The following THADA variants were observed in gnomAD, a reference collection of about 807,000 sequenced individuals.
The protein encoded by THADA is THADA armadillo repeat containing, also known as tRNA (32-2'-O)-methyltransferase regulator THADA.
In THADA, 213 loss-of-function variants were observed where a neutral mutation model predicts 219.8. The observed-to-expected ratio is 0.97, with a 90% CI of 0.87 to 1.09. The LOEUF is 1.09. Ranked by LOEUF, THADA falls within the 50% of genes least tolerant of loss-of-function variation. The probability of loss-of-function intolerance (pLI) is 0.00; values close to 1 mark genes in which losing one functional copy is unlikely to be tolerated. For missense variants in THADA, 2,956 were observed against 2,311.3 expected, an observed-to-expected ratio of 1.28 and a Z score of -5.72; for synonymous variants, 1,018 against 828.9, an observed-to-expected ratio of 1.23 and a Z score of -3.92.
chr2:43,473,475 G>C (rs1685155724), intron 26 of THADA, among the ~76,000 whole-genome samples: 1 of 152,022 alleles, frequency 6.6e-6, no homozygotes, highest in African/African-American at 2.4e-5. Context: ...GCCCGAGCCA[G>C]TTTTACAGTT....
intron 22 of THADA, among the ~76,000 whole-genome samples, chr2:43,510,638 T>C (rs1364592408): frequency 4.7e-5 from 7 of 150,480 alleles, no homozygotes; most frequent in Non-Finnish European, 1.0e-4. Flanking sequence ...GATTACTGCC[T>C]TCTTTTGTTC....
At chr2:43,541,659 C>T (rs1274130557) in intron 20 of THADA, among the ~76,000 whole-genome samples, 1 of 152,066 alleles carries the variant, frequency 6.6e-6, no homozygotes, top group Non-Finnish European at 1.5e-5. Flanking sequence ...CAGGTATGCG[C>T]CACCACACCC....
rs1407491611 is a variant in THADA at position 43,231,225 on chromosome 2, G to C, written c.5585C>G (p.Pro1862Arg). 6.2e-7 allele frequency: 1 copy of C among 1,613,782 alleles called. No homozygotes were observed. Among genetic ancestry groups the C allele is most frequent in the South Asian group, 1.1e-5 (1 of 91,036 alleles). Residue 1862 changes from proline (P) to arginine (R), a missense_variant, in exon 38 of 38, where the codon CCC (proline) becomes CGC (arginine). Coordinates refer to ENST00000405975, the MANE Select transcript of THADA (RefSeq NM_022065.5). ...FCLLSKSGWR[P>R]PSPEMLCHLQ... ...GTGACAGAGCATCTCAGGGCTTGGG[G>C]GACGCCAGCCGGACTTTGAGAGGAG... is the stretch of plus-strand genomic sequence containing the variant.
At chr2:43,299,082 C>T (rs549043051) in intron 31 of THADA, among the ~76,000 whole-genome samples, 3 of 152,152 alleles carry the variant, frequency 2.0e-5, no homozygotes, top group African/African-American at 7.2e-5. Context: ...AATAAGATCA[C>T]CTTCCGGTTA....
At chr2:43,234,504 TG>T (rs1181392516) in intron 36 of THADA, among the ~76,000 whole-genome samples, 1 of 152,204 alleles carries the variant, frequency 6.6e-6, no homozygotes, top group African/African-American at 2.4e-5. Flanking sequence ...AGGTGCATTT[TG>T]GCTGTGGGTC....
intron 20 of THADA, among the ~76,000 whole-genome samples, chr2:43,545,184 T>A (rs1299246995): frequency 6.6e-6 from 1 of 151,888 alleles, no homozygotes; most frequent in Admixed American, 6.6e-5. Context: ...ATTTATTGAT[T>A]TGCATATATT....
chr2:43,505,623 TGGG>T lies in THADA; in HGVS notation c.3617_3619del (p.Pro1206del). The T allele has an allele frequency of 6.3e-7, 1 of 1,579,142 alleles. No individual in the cohort carries two copies. The highest frequency in any genetic ancestry group is 8.6e-7 in the Non-Finnish European group (1 of 1,157,514). On this transcript the variant is annotated inframe_deletion and splice_region_variant, in exon 24 of 38. Coordinates refer to ENST00000405975, the MANE Select transcript of THADA (RefSeq NM_022065.5). ...GGGTTTGTGTATTTCCATGATTACC[TGGG>T]GGACTGTACTCTGTATGTCATCTGT...
intron 36 of THADA, among the ~76,000 whole-genome samples, chr2:43,261,216 CTTT>C (rs1181680289): frequency 1.3e-5 from 1 of 77,166 alleles, no homozygotes; most frequent in Non-Finnish European, 2.4e-5. Context: ...TTGTGCATTT[CTTT>C]TTTTTTTTTT....
intron 36 of THADA, among the ~76,000 whole-genome samples, chr2:43,253,211 G>A (rs1669978920): frequency 6.6e-6 from 1 of 152,214 alleles, no homozygotes; most frequent in South Asian, 2.1e-4. Flanking sequence ...TAGAGAAGGA[G>A]AACCTGAAGA....
At chr2:43,304,180 A>G (rs1676580327) in intron 31 of THADA, among the ~76,000 whole-genome samples, 1 of 152,156 alleles carries the variant, frequency 6.6e-6, no homozygotes, top group Non-Finnish European at 1.5e-5. Context: ...TCATCAAGAC[A>G]GCCTGATTGT....
chr2:43,516,305 G>C (rs191104918), intron 22 of THADA, among the ~76,000 whole-genome samples: 125 of 152,232 alleles, frequency 8.2e-4, no homozygotes, highest in African/African-American at 3.0e-3. Flanking sequence ...TTTACTCAGA[G>C]TAAAAGCCAA....
Position 43,257,248 on chromosome 2 carries a change from G to A in THADA, c.5296+22517C>T, listed in dbSNP as rs565119448. ...TTGTCCAGACTACCTGTTTTGGGAG[G>A]GGACAGAGTGGAGTTTCCTTCAAGT... On this transcript the variant is annotated intron_variant, in intron 36 of 37. Transcript: ENST00000405975. 3.3e-5 allele frequency among the ~76,000 whole-genome samples: 5 copies of A among 152,318 alleles called. No homozygotes were observed. In the South Asian group the frequency reaches 8.3e-4, roughly 25 times the overall value.
chr2:43,526,679 G>A (rs1239959529), intron 22 of THADA, among the ~76,000 whole-genome samples: 1 of 152,206 alleles, frequency 6.6e-6, no homozygotes, highest in Non-Finnish European at 1.5e-5. Context: ...GCTGGGTGCT[G>A]TATACAGCCA....
chr2:43,454,268 C>T (rs1202152956), intron 26 of THADA, among the ~76,000 whole-genome samples: 2 of 152,090 alleles, frequency 1.3e-5, no homozygotes, highest in African/African-American at 4.8e-5. Flanking sequence ...AGGAGAAATT[C>T]CACTTTGTCC....
chr2:43,449,699 G>T (rs753470512), intron 26 of THADA, among the ~76,000 whole-genome samples: 3 of 152,138 alleles, frequency 2.0e-5, no homozygotes, highest in Non-Finnish European at 4.4e-5. Flanking sequence ...AACCCAGGAG[G>T]TCAAAGCTGC....
At chr2:43,498,617 TA>T (rs201128748) in intron 25 of THADA, among the ~76,000 whole-genome samples, 14 of 146,764 alleles carry the variant, frequency 9.5e-5, no homozygotes, top group African/African-American at 1.5e-4. Flanking sequence ...TCAATAAAAT[TA>T]AAAAAAAAAG....
intron 30 of THADA, among the ~76,000 whole-genome samples, chr2:43,321,008 A>AG (rs1233921435): frequency 2.0e-5 from 3 of 152,238 alleles, no homozygotes; most frequent in Non-Finnish European, 4.4e-5. Context: ...GACTTGAAAT[A>AG]ACCAGCTGAA....
rs763873872 is a variant in THADA, at chr2:43,590,807, C to A, written c.302+17G>T. 3 of 1,602,278 alleles carry A rather than the reference C, an allele frequency of 1.9e-6. No individual in the cohort carries two copies. The highest frequency in any genetic ancestry group is 3.4e-5 in the Admixed American group (2 of 58,528). The stretch of plus-strand genomic sequence containing the variant: ...TCAACATTTATAACACCCAACTTCC[C>A]TTCCTTTTTTTCTTACCTTGCCAAT... On this transcript the variant is annotated intron_variant, in intron 4 of 37. Transcript: ENST00000405975.
intron 19 of THADA, among the ~76,000 whole-genome samples, chr2:43,549,807 A>C (rs1355501456): frequency 6.6e-6 from 1 of 152,066 alleles, no homozygotes; most frequent in Non-Finnish European, 1.5e-5. Context: ...TTAAAATATA[A>C]ATAAATATAA....
Sources: allele counts gnomAD v4.1 joint callset (sites outside exome capture counted in the v4.1 genomes callset), GRCh38; gene constraint gnomAD v4.1.1; transcripts MANE v1.5; gene names NCBI Gene and HGNC (gene_info 2026-07-23, HGNC 2026-07-21).